The following AKAP6 variants were observed in gnomAD, a reference collection of about 807,000 sequenced individuals.
AKAP6 encodes A-kinase anchor protein 6.
Under a neutral mutation model 188.5 loss-of-function variants are expected in AKAP6, and 58 were observed. The ratio of observed to expected loss-of-function variants is 0.31; its 90% CI spans 0.25 to 0.38. AKAP6 has a LOEUF of 0.38. AKAP6 is among the 10% of genes least tolerant of loss of function. The pLI is 1.00. For missense variants in AKAP6, 2,710 were observed against 2,740.0 expected, an observed-to-expected ratio of 0.99 and a Z score of 0.24; for synonymous variants, 989 against 998.6, an observed-to-expected ratio of 0.99 and a Z score of 0.18.
chr14:32,810,035 A>G (rs1425565321), intron 12 of AKAP6, among the ~76,000 whole-genome samples: 1 of 152,178 alleles, frequency 6.6e-6, no homozygotes, highest in African/African-American at 2.4e-5. Flanking sequence ...AAATGCCACC[A>G]TTGTCCAGTG....
intron 5 of AKAP6, among the ~76,000 whole-genome samples, chr14:32,587,224 G>T (rs929630754): frequency 6.6e-6 from 1 of 151,494 alleles, no homozygotes; most frequent in African/African-American, 2.4e-5. Context: ...GTTGGTCATT[G>T]TTTTTTTTGC....
At chr14:32,618,229 C>CTACT (rs1886664250) in intron 7 of AKAP6, among the ~76,000 whole-genome samples, 1 of 152,050 alleles carries the variant, frequency 6.6e-6, no homozygotes. Context: ...GGGATACCAG[C>CTACT]GGTTTTTGTT....
intron 5 of AKAP6, among the ~76,000 whole-genome samples, chr14:32,595,744 T>A (rs1215906225): frequency 2.0e-5 from 3 of 152,112 alleles, no homozygotes; most frequent in African/African-American, 7.2e-5. Flanking sequence ...TGAATCCCAT[T>A]GGGCAAGGCA....
intron 1 of AKAP6, among the ~76,000 whole-genome samples, chr14:32,352,806 G>T (rs1419969710): frequency 6.6e-6 from 1 of 152,162 alleles, no homozygotes; most frequent in African/African-American, 2.4e-5. Flanking sequence ...TCCATTGATG[G>T]ACACTTAGGT....
chr14:32,799,822 A>G (rs1594958109), intron 12 of AKAP6, among the ~76,000 whole-genome samples: 1 of 152,106 alleles, frequency 6.6e-6, no homozygotes, highest in South Asian at 2.1e-4. Context: ...TGTCAATTAG[A>G]TCAAGTCAAG....
At chr14:32,585,800 T>A (rs1467033101) in intron 5 of AKAP6, among the ~76,000 whole-genome samples, 1 of 152,090 alleles carries the variant, frequency 6.6e-6, no homozygotes, top group African/African-American at 2.4e-5. Context: ...CCATATGTAA[T>A]TTTGTTAGGG....
At chr14:32,600,120 T>G (rs780900980) in intron 6 of AKAP6, among the ~76,000 whole-genome samples, 10 of 152,222 alleles carry the variant, frequency 6.6e-5, no homozygotes, top group Non-Finnish European at 1.2e-4. Context: ...ACAGTTTGGC[T>G]CTAGGTTTGA....
At chr14:32,762,882 G>C (rs965077436) in intron 11 of AKAP6, among the ~76,000 whole-genome samples, 1 of 152,036 alleles carries the variant, frequency 6.6e-6, no homozygotes, top group African/African-American at 2.4e-5. Flanking sequence ...AGTTCAATAA[G>C]GCCATGGAGG....
chr14:32,331,408 C>T (rs576997998), intron 1 of AKAP6, among the ~76,000 whole-genome samples: 5 of 151,996 alleles, frequency 3.3e-5, no homozygotes, highest in African/African-American at 9.6e-5. Flanking sequence ...TGTGGACTGA[C>T]GCAGTTATCT....
At chr14:32,534,643 C>T (rs182423606) in intron 2 of AKAP6, among the ~76,000 whole-genome samples, 4 of 152,136 alleles carry the variant, frequency 2.6e-5, no homozygotes, top group Admixed American at 2.6e-4. Context: ...ATTCTGCTTG[C>T]AAAGTGTGGG....
intron 1 of AKAP6, among the ~76,000 whole-genome samples, chr14:32,404,691 G>GATAGATAGAT: frequency 2.3e-5 from 1 of 44,438 alleles, no homozygotes; most frequent in African/African-American, 7.2e-5. Flanking sequence ...GGAGTCAGGA[G>GATAGATAGAT]ATATATATAT....
At chr14:32,346,048 T>C (rs1354315722) in intron 1 of AKAP6, among the ~76,000 whole-genome samples, 1 of 152,248 alleles carries the variant, frequency 6.6e-6, no homozygotes, top group Non-Finnish European at 1.5e-5. Context: ...GAAGTTCTAA[T>C]ATTTTCATCA....
intron 1 of AKAP6, among the ~76,000 whole-genome samples, chr14:32,382,314 G>A (rs1235890819): frequency 6.6e-6 from 1 of 152,098 alleles, no homozygotes; most frequent in East Asian, 1.9e-4. Flanking sequence ...GGACATTTCT[G>A]TACCAGCATC....
chr14:32,423,779 C>T (rs887304672), intron 1 of AKAP6, among the ~76,000 whole-genome samples: 1 of 152,094 alleles, frequency 6.6e-6, no homozygotes, highest in African/African-American at 2.4e-5. Context: ...ATATATTACT[C>T]TTTAATTAAT....
At chr14:32,614,946 A>G (rs762998437) in intron 7 of AKAP6, among the ~76,000 whole-genome samples, 10 of 151,926 alleles carry the variant, frequency 6.6e-5, no homozygotes, top group Non-Finnish European at 1.0e-4. Context: ...CAAGGCGGGC[A>G]GATCATGAGG....
chr14:32,350,087 A>G (rs1887212936), intron 1 of AKAP6, among the ~76,000 whole-genome samples: 1 of 152,208 alleles, frequency 6.6e-6, no homozygotes, highest in Non-Finnish European at 1.5e-5. Flanking sequence ...AATATGTGTA[A>G]ATACTCCCAT....
intron 2 of AKAP6, among the ~76,000 whole-genome samples, chr14:32,441,324 T>G (rs1780811221): frequency 6.6e-6 from 1 of 152,188 alleles, no homozygotes; most frequent in African/African-American, 2.4e-5. Flanking sequence ...TGTAAGACTA[T>G]TTGGTATCAT....
intron 1 of AKAP6, among the ~76,000 whole-genome samples, chr14:32,411,915 T>C (rs1889500933): frequency 6.6e-6 from 1 of 151,934 alleles, no homozygotes; most frequent in African/African-American, 2.4e-5. Flanking sequence ...TCTTCTCTAA[T>C]ATGTTTTCCG....
intron 2 of AKAP6, among the ~76,000 whole-genome samples, chr14:32,508,533 G>A (rs946087796): frequency 6.6e-6 from 1 of 152,174 alleles, no homozygotes; most frequent in African/African-American, 2.4e-5. Context: ...AGGATTTGGT[G>A]ATTGACCAAT....
Sources: allele counts gnomAD v4.1 joint callset (sites outside exome capture counted in the v4.1 genomes callset), GRCh38; gene constraint gnomAD v4.1.1; transcripts MANE v1.5; gene names NCBI Gene and HGNC (gene_info 2026-07-23, HGNC 2026-07-21).